Variants in NAALADL2 observed in about 807,000 individuals in gnomAD.
The protein encoded by NAALADL2 is N-acetylated alpha-linked acidic dipeptidase like 2.
Under a neutral mutation model 87.2 loss-of-function variants are expected in NAALADL2, and 76 were observed. That is an observed-to-expected ratio of 0.87 (90% CI 0.72 to 1.05). The LOEUF (loss-of-function observed/expected upper bound fraction) is 1.05. Among genes scored for constraint, NAALADL2 ranks in the 50% least tolerant of loss-of-function variants. The pLI, the probability that NAALADL2 is intolerant of heterozygous loss-of-function variation, is 0.00. For synonymous variants in NAALADL2, 354 were observed against 331.0 expected, an observed-to-expected ratio of 1.07 and a Z score of -0.75; for missense variants, 1,089 against 945.8, an observed-to-expected ratio of 1.15 and a Z score of -1.99.
At chr3:175,215,555 C>T (rs902047941) in intron 2 of NAALADL2, among the ~76,000 whole-genome samples, 4 of 152,114 alleles carry the variant, frequency 2.6e-5, no homozygotes, top group African/African-American at 9.7e-5. Flanking sequence ...ACTTTGCACA[C>T]CTTTCAGACC....
At chr3:175,685,861 C>A (rs1368330402) in intron 11 of NAALADL2, among the ~76,000 whole-genome samples, 11 of 152,162 alleles carry the variant, frequency 7.2e-5, no homozygotes, top group Non-Finnish European at 1.5e-4. Flanking sequence ...GTATGAGGCC[C>A]ACCTACATTA....
chr3:174,873,289 CT>C (rs1254769335), intron 1 of NAALADL2, among the ~76,000 whole-genome samples: 5 of 151,856 alleles, frequency 3.3e-5, no homozygotes, highest in Admixed American at 6.6e-5. Context: ...GAGTCTCGCT[CT>C]GTCGCCCAGG....
rs372110616 is a variant in NAALADL2, at chr3:175,169,229, G to T, written c.546-64702G>T. On this transcript the variant is annotated intron_variant, in intron 2 of 13. Transcript: ENST00000454872. ...AAACATAAATCTTTTTGTGGTTTTT[G>T]TCATCAGTTTACTAAATACTTTTGG... 6.6e-5 allele frequency among the ~76,000 whole-genome samples: 10 copies of T among 151,644 alleles called. No individual in the cohort carries two copies. In the East Asian group the frequency reaches 1.5e-3, roughly 23 times the overall value.
At chr3:175,692,623 G>T (rs1737204851) in intron 11 of NAALADL2, among the ~76,000 whole-genome samples, 2 of 152,100 alleles carry the variant, frequency 1.3e-5, no homozygotes, top group Admixed American at 6.6e-5. Flanking sequence ...GGAAATCAGT[G>T]GTGGAAAATA....
chr3:175,709,025 T>A (rs1219499768), intron 11 of NAALADL2, among the ~76,000 whole-genome samples: 4 of 151,974 alleles, frequency 2.6e-5, no homozygotes, highest in Admixed American at 1.3e-4. Flanking sequence ...ACTAATTGAG[T>A]ATGCTATTGA....
At chr3:174,748,763 A>G (rs1047658244) in intron 3 of NAALADL2, among the ~76,000 whole-genome samples, 1 of 152,234 alleles carries the variant, frequency 6.6e-6, no homozygotes, top group Non-Finnish European at 1.5e-5. Context: ...CTCTTGATAT[A>G]GTGCAAAAAG....
At chr3:175,245,571 CTA>C (rs1747826252) in intron 3 of NAALADL2, among the ~76,000 whole-genome samples, 1 of 152,140 alleles carries the variant, frequency 6.6e-6, no homozygotes. Context: ...TCTGGTTTAT[CTA>C]TGTTATTTGT....
intron 2 of NAALADL2, among the ~76,000 whole-genome samples, chr3:174,676,697 C>A (rs1334229585): frequency 6.6e-6 from 1 of 151,714 alleles, no homozygotes; most frequent in Admixed American, 6.6e-5. Context: ...AATAAATGTT[C>A]TTTAATGATA....
chr3:174,562,971 C>T (rs1047130752), intron 2 of NAALADL2, among the ~76,000 whole-genome samples: 3 of 152,008 alleles, frequency 2.0e-5, no homozygotes, highest in African/African-American at 7.2e-5. Context: ...AGTTATATTT[C>T]TGGATGACTC....
chr3:175,075,801 T>A (rs1411718270), intron 1 of NAALADL2, among the ~76,000 whole-genome samples: 2 of 152,054 alleles, frequency 1.3e-5, no homozygotes, highest in Non-Finnish European at 2.9e-5. Context: ...ACACCTGAAC[T>A]ATGGTAACTG....
chr3:175,055,201 C>T (rs527251975), intron 1 of NAALADL2, among the ~76,000 whole-genome samples: 4 of 152,108 alleles, frequency 2.6e-5, no homozygotes, highest in Admixed American at 1.3e-4. Context: ...TCCTCCTGTT[C>T]GTTTAATTTC....
At chr3:175,505,804 A>C (rs765752107) in intron 9 of NAALADL2, among the ~76,000 whole-genome samples, 2 of 152,230 alleles carry the variant, frequency 1.3e-5, no homozygotes, top group Non-Finnish European at 2.9e-5. Context: ...GTATAGAGTA[A>C]GAACTATAAG....
chr3:175,391,587 TG>T (rs1175995144), intron 5 of NAALADL2, among the ~76,000 whole-genome samples: 1 of 152,176 alleles, frequency 6.6e-6, no homozygotes, highest in East Asian at 1.9e-4. Context: ...TGAGTGAGCT[TG>T]GAAGTGAATA....
At chr3:174,542,597 A>G (rs1722343639) in intron 1 of NAALADL2, among the ~76,000 whole-genome samples, 1 of 152,202 alleles carries the variant, frequency 6.6e-6, no homozygotes, top group South Asian at 2.1e-4. Context: ...GTCCCAGGAA[A>G]GGTAAAAGCC....
At chr3:175,473,799 C>G (rs886782836) in intron 9 of NAALADL2, among the ~76,000 whole-genome samples, 1 of 151,836 alleles carries the variant, frequency 6.6e-6, no homozygotes, top group South Asian at 2.1e-4. Context: ...TAAAAAAGAA[C>G]TAAAATGATA....
At chr3:174,825,434 T>C (rs1346765885) in intron 3 of NAALADL2, among the ~76,000 whole-genome samples, 5 of 152,214 alleles carry the variant, frequency 3.3e-5, no homozygotes, top group Admixed American at 1.3e-4. Context: ...GAATTTGCCC[T>C]TTCTCTGCCT....
Position 175,192,573 on chromosome 3 carries a change from T to C in NAALADL2, c.546-41358T>C, listed in dbSNP as rs144248961. Among the ~76,000 whole-genome samples the C allele has an allele frequency of 3.8e-3, 582 of 152,094 alleles. 3 individuals are homozygous for C. Among genetic ancestry groups the C allele is most frequent in the African/African-American group, 0.013 (559 of 41,544 alleles). ...GCATTCATTAATTTGCCTCCTGAGTTTCAAATGGATTGGCTACCAAAGGTA... is the reference window on the plus strand; with the variant it reads ...GCATTCATTAATTTGCCTCCTGAGTCTCAAATGGATTGGCTACCAAAGGTA... On this transcript the variant is annotated intron_variant, in intron 2 of 13. Coordinates refer to ENST00000454872, the MANE Select transcript of NAALADL2 (RefSeq NM_207015.3).
intron 1 of NAALADL2, among the ~76,000 whole-genome samples, chr3:174,872,835 T>C (rs1357614356): frequency 6.6e-6 from 1 of 152,196 alleles, no homozygotes; most frequent in Non-Finnish European, 1.5e-5. Flanking sequence ...AAAGGTATGG[T>C]AGTTTCTCTT....
chr3:175,606,459 A>G (rs1040812086), intron 10 of NAALADL2, among the ~76,000 whole-genome samples: 1 of 152,006 alleles, frequency 6.6e-6, no homozygotes, highest in Non-Finnish European at 1.5e-5. Context: ...GAAAGGGAAT[A>G]ACAAAAAAAA....
Sources: gnomAD v4.1 joint callset for allele counts (sites outside exome capture counted in the v4.1 genomes callset) on GRCh38, gnomAD v4.1.1 for gene constraint, MANE v1.5 for transcripts, NCBI Gene and HGNC (gene_info 2026-07-23, HGNC 2026-07-21) for gene names.